LUZP2: variants seen among roughly 807,000 people sequenced by gnomAD.
LUZP2 encodes leucine zipper protein 2.
Under a neutral mutation model 51.6 loss-of-function variants are expected in LUZP2, and 52 were observed. The ratio of observed to expected loss-of-function variants is 1.01; its 90% CI spans 0.81 to 1.27. The LOEUF (loss-of-function observed/expected upper bound fraction) is 1.27. LUZP2 is among the 50% of genes most tolerant of loss of function. The pLI is 0.00. For synonymous variants in LUZP2, 154 were observed against 137.3 expected (o/e 1.12, Z -0.85); for missense variants, 436 against 395.4 (o/e 1.10, Z -0.87).
intron 4 of LUZP2, among the ~76,000 whole-genome samples, chr11:24,751,100 T>G (rs1859566269): frequency 6.6e-6 from 1 of 152,134 alleles, no homozygotes; most frequent in African/African-American, 2.4e-5. Flanking sequence ...TCAGAATCAT[T>G]CATTAAATGC....
intron 5 of LUZP2, among the ~76,000 whole-genome samples, chr11:24,901,382 A>T (rs1325007886): frequency 6.9e-6 from 1 of 145,532 alleles, no homozygotes; most frequent in Non-Finnish European, 1.5e-5. Context: ...GTGAACTTTG[A>T]CCCTTACCTC....
intron 4 of LUZP2, among the ~76,000 whole-genome samples, chr11:24,742,377 T>A (rs1859215539): frequency 6.6e-6 from 1 of 151,998 alleles, no homozygotes; most frequent in South Asian, 2.1e-4. Flanking sequence ...TTTATCGATT[T>A]TTTGATTATG....
intron 1 of LUZP2, among the ~76,000 whole-genome samples, chr11:24,557,496 A>G (rs566693724): frequency 6.6e-6 from 1 of 152,298 alleles, no homozygotes; most frequent in African/African-American, 2.4e-5. Flanking sequence ...AGAAGCAAAT[A>G]GAAGGCATAA....
intron 4 of LUZP2, among the ~76,000 whole-genome samples, chr11:24,753,979 T>G (rs1859684197): frequency 6.6e-6 from 1 of 152,196 alleles, no homozygotes; most frequent in Non-Finnish European, 1.5e-5. Flanking sequence ...AAGTCTCCCT[T>G]TGATCTACTC....
intron 1 of LUZP2, among the ~76,000 whole-genome samples, chr11:24,526,323 A>G (rs533727382): frequency 6.3e-4 from 96 of 151,274 alleles, no homozygotes; most frequent in African/African-American, 2.2e-3. Flanking sequence ...AGCATATCTA[A>G]CTAAAACCTA....
intron 7 of LUZP2, among the ~76,000 whole-genome samples, chr11:24,925,081 G>A (rs553393563): frequency 2.2e-4 from 34 of 152,146 alleles, no homozygotes; most frequent in African/African-American, 8.0e-4. Flanking sequence ...GCTTTGCATG[G>A]CCATTTCAAA....
At chr11:24,796,147 A>C (rs1027744396) in intron 5 of LUZP2, among the ~76,000 whole-genome samples, 1 of 152,142 alleles carries the variant, frequency 6.6e-6, no homozygotes, top group African/African-American at 2.4e-5. Context: ...CAATTTGGTG[A>C]ATAACCTTCT....
Position 24,685,159 on chromosome 11 carries a change from C to A in LUZP2, c.63-44010C>A, listed in dbSNP as rs1351971520. Among the ~76,000 whole-genome samples, 4 of 152,010 alleles carry A rather than the reference C, an allele frequency of 2.6e-5. 1 individual carries two copies. The highest frequency in any genetic ancestry group is 4.4e-5 in the Non-Finnish European group (3 of 68,016). On this transcript the variant is annotated intron_variant, in intron 1 of 11. Transcript: ENST00000336930. ...CTCCTAGGATCCTGGCCTCTTGTCA[C>A]AGTTTCTAGGGCCCATCCTTAACTT...
intron 1 of LUZP2, among the ~76,000 whole-genome samples, chr11:24,631,901 T>C (rs938864994): frequency 6.6e-5 from 10 of 151,964 alleles, no homozygotes; most frequent in African/African-American, 2.2e-4. Context: ...GAATGCAAAT[T>C]AATACAGGAA....
chr11:24,932,327 G>A (rs773508229), intron 7 of LUZP2, among the ~76,000 whole-genome samples: 5 of 152,228 alleles, frequency 3.3e-5, no homozygotes, highest in South Asian at 2.1e-4. Context: ...GAGAATATTC[G>A]GGTGTCTCAG....
chr11:24,790,258 T>A (rs1849371005), intron 5 of LUZP2, among the ~76,000 whole-genome samples: 1 of 152,170 alleles, frequency 6.6e-6, no homozygotes, highest in African/African-American at 2.4e-5. Context: ...CAAATTCATA[T>A]TTGCATTGAA....
chr11:24,650,845 A>T (rs921767310), intron 1 of LUZP2, among the ~76,000 whole-genome samples: 2 of 152,104 alleles, frequency 1.3e-5, no homozygotes, highest in Admixed American at 1.3e-4. Context: ...AATATGCATC[A>T]TAAGTTGTTC....
chr11:24,733,912 T>C (rs191171912), intron 3 of LUZP2, among the ~76,000 whole-genome samples: 1 of 151,716 alleles, frequency 6.6e-6, no homozygotes, highest in East Asian at 1.9e-4. Flanking sequence ...CTGAGGAAGA[T>C]ATAGTGAGTT....
At chr11:24,580,778 A>T (rs1247795316) in intron 1 of LUZP2, among the ~76,000 whole-genome samples, 1 of 152,150 alleles carries the variant, frequency 6.6e-6, no homozygotes, top group African/African-American at 2.4e-5. Flanking sequence ...AAAAGTGTTC[A>T]TTACCAAAAG....
At chr11:25,003,133 G>A (rs1448797895) in intron 9 of LUZP2, among the ~76,000 whole-genome samples, 1 of 152,210 alleles carries the variant, frequency 6.6e-6, no homozygotes, top group Non-Finnish European at 1.5e-5. Context: ...TAGCTAGAAA[G>A]TTCAAGAGAT....
At position 24,570,372 on chromosome 11, in the gene LUZP2, C is replaced by CT. The variant is rs200289651; in HGVS notation, c.62+73067_62+73068insT. Among the ~76,000 whole-genome samples, 1,195 of 152,098 alleles carry CT rather than the reference C, an allele frequency of 7.9e-3. 18 individuals are homozygous for CT. Among genetic ancestry groups the CT allele is most frequent in the African/African-American group, 0.026 (1,095 of 41,524 alleles). On this transcript the variant is annotated intron_variant, in intron 1 of 11. Transcript: ENST00000336930. ...ATATTTGCACCAGTCATGGCTCAGG[C>CT]AATTGAACATGTAGTGTTTACTGTA...
chr11:24,500,479 G>A (rs368150005), intron 1 of LUZP2, among the ~76,000 whole-genome samples: 2 of 152,268 alleles, frequency 1.3e-5, no homozygotes, highest in South Asian at 2.1e-4. Context: ...GTATTAAATT[G>A]CTATTCCAAG....
At chr11:24,846,465 G>T (rs1851204113) in intron 5 of LUZP2, among the ~76,000 whole-genome samples, 1 of 151,832 alleles carries the variant, frequency 6.6e-6, no homozygotes, top group Non-Finnish European at 1.5e-5. Context: ...TTGAAAAAAA[G>T]TATGCCAATA....
At chr11:24,913,225 T>C (rs1853693952) in intron 6 of LUZP2, among the ~76,000 whole-genome samples, 1 of 152,182 alleles carries the variant, frequency 6.6e-6, no homozygotes, top group South Asian at 2.1e-4. Context: ...CTGTCCCTAT[T>C]TGTTTGCCTT....
Sources: gnomAD v4.1 joint callset for allele counts (sites outside exome capture counted in the v4.1 genomes callset) on GRCh38, gnomAD v4.1.1 for gene constraint, MANE v1.5 for transcripts, NCBI Gene and HGNC (gene_info 2026-07-23, HGNC 2026-07-21) for gene names.